The following MYO1F variants were observed in gnomAD, a reference collection of about 807,000 sequenced individuals.
The protein encoded by MYO1F is unconventional myosin-If.
A neutral mutation model predicts 146.6 loss-of-function variants in MYO1F; 60 were observed. The ratio of observed to expected loss-of-function variants is 0.41; its 90% CI spans 0.33 to 0.51. MYO1F has a LOEUF of 0.51. MYO1F is among the 20% of genes least tolerant of loss of function. The pLI is 0.25. For missense variants in MYO1F, 1,274 were observed against 1,534.3 expected, an observed-to-expected ratio of 0.83 and a Z score of 2.83; for synonymous variants, 602 against 602.1, an observed-to-expected ratio of 1.00 and a Z score of 0.00.
rs905635874 is a variant in MYO1F at position 8,521,096 on chromosome 19, GTAAGT to G, written c.*427_*431del. On this transcript the variant is annotated 3_prime_UTR_variant, in exon 28 of 28. Coordinates refer to ENST00000644032, the MANE Select transcript of MYO1F (RefSeq NM_012335.4). ...AAACATCGTCCTTGTTGGGCACTTA[GTAAGT>G]TAACTCGTGCTTTCACCTGGCAAAG... is the stretch of plus-strand genomic sequence containing the variant. 59 of 305,354 alleles carry G rather than the reference GTAAGT, an allele frequency of 1.9e-4. No homozygotes were observed. The highest frequency in any genetic ancestry group is 1.2e-3 in the African/African-American group (57 of 46,258). The allele number at this position is 305,354 out of a possible 1,614,324, so 18.9% of individuals were successfully genotyped here. A position where few individuals can be genotyped will look rare whatever the true frequency, so the allele number is the denominator to read the frequency against.
At chr19:8,566,161 CTTTTTTTTT>C (rs781059040) in intron 1 of MYO1F, among the ~76,000 whole-genome samples, 1 of 78,338 alleles carries the variant, frequency 1.3e-5, no homozygotes, top group African/African-American at 5.4e-5. Flanking sequence ...CAGTCTATGT[CTTTTTTTTT>C]TTTTTTTTTT....
At chr19:8,550,407 T>TGCCTCCTGC in intron 9 of MYO1F, 51 bp from the exon 10 acceptor site, 2 of 1,588,952 alleles carry the variant, frequency 1.3e-6, no homozygotes, top group Non-Finnish European at 1.7e-6. Context: ...TGGGCTCTTG[T>TGCCTCCTGC]GCCTCCTGCA....
rs111418585 is a variant in MYO1F, at chr19:8,531,748, C to T, written c.2044-1175G>A. ...TTACACTGTTACTCGACACTATCCA[C>T]GAGGTACACTGCCGTGTCAGAGATG... On this transcript the variant is annotated intron_variant, in intron 19 of 27. Coordinates refer to ENST00000644032, the MANE Select transcript of MYO1F (RefSeq NM_012335.4). Among the ~76,000 whole-genome samples, 508 of 152,300 alleles carry T rather than the reference C, an allele frequency of 3.3e-3. 3 individuals are homozygous for T. Among genetic ancestry groups the T allele is most frequent in the African/African-American group, 0.011 (447 of 41,566 alleles).
At chr19:8,537,973 T>A (rs1972799247) in intron 16 of MYO1F, among the ~76,000 whole-genome samples, 1 of 151,872 alleles carries the variant, frequency 6.6e-6, no homozygotes, top group African/African-American at 2.4e-5. Context: ...GTTTTATTTT[T>A]ATTTTTATTT....
chr19:8,522,918 A>T, intron 25 of MYO1F, 89 bp from the exon 26 acceptor site: 1 of 1,176,248 alleles, frequency 8.5e-7, no homozygotes, highest in Non-Finnish European at 1.2e-6. Context: ...AGGCTGAGGG[A>T]GGAGACTGCG....
intron 5 of MYO1F, 21 bp downstream of exon 5, chr19:8,553,329 C>G (rs776091307): frequency 6.2e-7 from 1 of 1,613,600 alleles, no homozygotes; most frequent in South Asian, 1.1e-5. Flanking sequence ...CCAGCTTATC[C>G]TTCTGTTTTC....
chr19:8,569,703 T>C (rs887212529), intron 1 of MYO1F, among the ~76,000 whole-genome samples: 1 of 152,088 alleles, frequency 6.6e-6, no homozygotes, highest in Non-Finnish European at 1.5e-5. Context: ...AAGGCACGTC[T>C]TGCAACATGA....
chr19:8,524,740 G>A (rs960115097), intron 25 of MYO1F, among the ~76,000 whole-genome samples: 1 of 152,132 alleles, frequency 6.6e-6, no homozygotes, highest in Non-Finnish European at 1.5e-5. Flanking sequence ...TGGCTTTGCA[G>A]GGGCAAGTTT....
intron 9 of MYO1F, 42 bp downstream of exon 9, chr19:8,550,520 C>T (rs1427125284): frequency 3.1e-6 from 5 of 1,614,038 alleles, no homozygotes; most frequent in Non-Finnish European, 4.2e-6. Flanking sequence ...AGTTCACCCA[C>T]CCACAGGCCT....
intron 1 of MYO1F, among the ~76,000 whole-genome samples, chr19:8,565,648 G>A (rs542025095): frequency 6.6e-6 from 1 of 152,250 alleles, no homozygotes; most frequent in East Asian, 1.9e-4. Flanking sequence ...GTGAGGGTCT[G>A]TTCTTTTTCT....
rs535878648 is a variant in MYO1F, at chr19:8,527,917, G to A, written c.2329-434C>T. Among the ~76,000 whole-genome samples, 247 of 152,324 alleles carry A rather than the reference G, an allele frequency of 1.6e-3. 1 individual carries two copies. Among genetic ancestry groups the A allele is most frequent in the Middle Eastern group, 3.4e-3 (1 of 294 alleles). ...TGTGCGCCACCACGCCTGGCCATGA[G>A]TTGTTATATAAGAAACAGAAGGAGG... On this transcript the variant is annotated intron_variant, in intron 21 of 27. Transcript: ENST00000644032.
At chr19:8,546,054 CTCTT>C (rs1409429144) in intron 12 of MYO1F, among the ~76,000 whole-genome samples, 1 of 140,204 alleles carries the variant, frequency 7.1e-6, no homozygotes, top group Non-Finnish European at 1.5e-5. Context: ...ACTATTTTGA[CTCTT>C]TTTTTTTTTT....
intron 21 of MYO1F, among the ~76,000 whole-genome samples, chr19:8,528,244 A>G (rs978716680): frequency 6.9e-6 from 1 of 145,936 alleles, no homozygotes; most frequent in Non-Finnish European, 1.5e-5. Flanking sequence ...ACAAAAAATA[A>G]CAGATCAGGC....
chr19:8,543,554 C>A (rs1466103149), intron 14 of MYO1F, among the ~76,000 whole-genome samples: 1 of 151,966 alleles, frequency 6.6e-6, no homozygotes, highest in Non-Finnish European at 1.5e-5. Flanking sequence ...AATTCTGTTC[C>A]CTCTGTTAGG....
chr19:8,552,622 A>G (rs185265529), intron 6 of MYO1F, among the ~76,000 whole-genome samples: 33 of 149,358 alleles, frequency 2.2e-4, no homozygotes, highest in African/African-American at 8.2e-4. Context: ...ACTGAAGTCT[A>G]TGAGATGGAT....
intron 16 of MYO1F, 43 bp downstream of exon 16, chr19:8,539,904 G>A: frequency 6.4e-7 from 1 of 1,565,974 alleles, no homozygotes; most frequent in Non-Finnish European, 8.8e-7. Context: ...GTGGAACTCA[G>A]CCCTCTGCAG....
rs370594416 is a variant in MYO1F, at chr19:8,522,625, C to T, written c.3050+9G>A. 259 of 1,612,660 alleles carry T rather than the reference C, an allele frequency of 1.6e-4. No homozygotes were observed. The highest frequency in any genetic ancestry group is 1.3e-3 in the Middle Eastern group (8 of 6,072). ...CCACCTCCTGGAGCTGCCCTCCCAC[C>T]CCACCTACCCGGCCATGCCCTGGTC... On this transcript the variant is annotated intron_variant, in intron 26 of 27. Transcript: ENST00000644032.
chr19:8,530,005 G>A lies in MYO1F; in HGVS notation c.2328+191C>T, dbSNP rs147400322. On this transcript the variant is annotated intron_variant, in intron 21 of 27. Coordinates refer to ENST00000644032, the MANE Select transcript of MYO1F (RefSeq NM_012335.4). The surrounding 1 kb of genome is among the most constrained non-coding windows in gnomAD (Gnocchi z 5.8). ...TGCCAGGTGAGGGTATACCTGTGAT[G>A]GAACAGATGGATCTAGGCTGGGGGA... 4,723 of 747,332 alleles carry A rather than the reference G, an allele frequency of 6.3e-3. 21 individuals carry two copies. The highest frequency in any genetic ancestry group is 9.0e-3 in the Non-Finnish European group (3,904 of 436,020). The allele number at this position is 747,332 out of a possible 1,614,324, so 46.3% of individuals were successfully genotyped here.
intron 14 of MYO1F, among the ~76,000 whole-genome samples, chr19:8,542,303 C>T (rs554610948): frequency 6.0e-5 from 6 of 99,186 alleles, no homozygotes; most frequent in African/African-American, 2.0e-4. Context: ...CATCAGAGGC[C>T]GGGGGGCGGT....
Sources: gnomAD v4.1 joint callset for allele counts (sites outside exome capture counted in the v4.1 genomes callset) on GRCh38, gnomAD v4.1.1 for gene constraint, Gnocchi (gnomAD v3.1) non-coding constraint, MANE v1.5 for transcripts, NCBI Gene and HGNC (gene_info 2026-07-23, HGNC 2026-07-21) for gene names.